The following RYR2 variants were observed in gnomAD, a reference collection of about 807,000 sequenced individuals.
The protein encoded by RYR2 is ryanodine receptor 2.
In RYR2, 227 loss-of-function variants were observed where a neutral mutation model predicts 601.1. That is an observed-to-expected ratio of 0.38 (90% CI 0.34 to 0.42). The LOEUF is 0.42. RYR2 is among the 10% of genes least tolerant of loss of function. RYR2 has a pLI of 1.00. For missense variants in RYR2, 4,646 were observed against 6,156.5 expected (o/e 0.75, Z 8.21); for synonymous variants, 2,223 against 2,175.1 (o/e 1.02, Z -0.61).
chr1:237,159,386 G>T (rs142092471), intron 1 of RYR2, among the ~76,000 whole-genome samples: 95 of 152,236 alleles, frequency 6.2e-4, no homozygotes, highest in Middle Eastern at 6.8e-3. Context: ...AGTCTATGGG[G>T]CGTTTATCTA....
At chr1:237,217,527 T>C (rs542088052) in intron 1 of RYR2, among the ~76,000 whole-genome samples, 2 of 152,312 alleles carry the variant, frequency 1.3e-5, no homozygotes, top group South Asian at 4.1e-4. Context: ...TTCTTTTCTG[T>C]GCCTTCGTTT....
At chr1:237,153,241 GA>G (rs1674932730) in intron 1 of RYR2, among the ~76,000 whole-genome samples, 1 of 152,304 alleles carries the variant, frequency 6.6e-6, no homozygotes, top group Admixed American at 6.5e-5. Flanking sequence ...GATTTGGGGG[GA>G]GGGGAAGGAA....
intron 1 of RYR2, among the ~76,000 whole-genome samples, chr1:237,051,649 G>A (rs1234512009): frequency 6.6e-6 from 1 of 152,112 alleles, no homozygotes; most frequent in African/African-American, 2.4e-5. Context: ...TTTATTTCTT[G>A]TAGGTGCATT....
intron 98 of RYR2, among the ~76,000 whole-genome samples, chr1:237,803,526 T>A (rs1042979561): frequency 6.6e-6 from 1 of 152,090 alleles, no homozygotes; most frequent in Admixed American, 6.6e-5. Flanking sequence ...GGTCTCGATC[T>A]CCTGACCTCG....
intron 44 of RYR2, among the ~76,000 whole-genome samples, chr1:237,635,854 C>T (rs1206172080): frequency 6.6e-6 from 1 of 152,164 alleles, no homozygotes; most frequent in Non-Finnish European, 1.5e-5. Flanking sequence ...AGCTGGAACA[C>T]GCCAACTGTG....
chr1:237,445,659 G>T, intron 14 of RYR2, 137 bp downstream of exon 14: 1 of 1,049,692 alleles, frequency 9.5e-7, no homozygotes. Context: ...GAAACGTTAG[G>T]AAGTGTTAAT....
chr1:237,797,654 T>TA (rs1659417183), intron 96 of RYR2, among the ~76,000 whole-genome samples: 1 of 152,246 alleles, frequency 6.6e-6, no homozygotes, highest in Non-Finnish European at 1.5e-5. Context: ...AGAATATCAA[T>TA]AACGTGAAAC....
chr1:237,404,896 C>T (rs527505845), intron 10 of RYR2, among the ~76,000 whole-genome samples: 2 of 152,230 alleles, frequency 1.3e-5, no homozygotes, highest in East Asian at 1.9e-4. Context: ...GCTGTCAGAG[C>T]GCAATGAAAT....
intron 35 of RYR2, among the ~76,000 whole-genome samples, chr1:237,602,625 A>G (rs1676632688): frequency 6.6e-6 from 1 of 152,212 alleles, no homozygotes; most frequent in Non-Finnish European, 1.5e-5. Flanking sequence ...AAGCAAAAAT[A>G]TGTAAGAGTG....
chr1:237,776,660 T>C (rs1694684484), intron 87 of RYR2, among the ~76,000 whole-genome samples: 1 of 151,480 alleles, frequency 6.6e-6, no homozygotes, highest in Non-Finnish European at 1.5e-5. Flanking sequence ...TCTCTCTCTC[T>C]TTCCCTTTCC....
At chr1:237,764,872 T>G (rs1486889041) in intron 84 of RYR2, among the ~76,000 whole-genome samples, 2 of 152,210 alleles carry the variant, frequency 1.3e-5, no homozygotes, top group Non-Finnish European at 2.9e-5. Flanking sequence ...TAACCTGGTA[T>G]TGAGATGCCA....
chr1:237,699,336 G>C (rs1201515047), intron 64 of RYR2, among the ~76,000 whole-genome samples: 1 of 152,208 alleles, frequency 6.6e-6, no homozygotes, highest in South Asian at 2.1e-4. Flanking sequence ...TAGCTTCCAG[G>C]CGTGATATTT....
chr1:237,784,275 T>G lies in RYR2; in HGVS notation c.12563T>G (p.Leu4188Arg). 6.2e-7 allele frequency: 1 copy of G among 1,613,814 alleles called. No individual in the cohort carries two copies. The highest frequency in any genetic ancestry group is 8.5e-7 in the Non-Finnish European group (1 of 1,179,884). Residue 4188 changes from leucine to arginine, a missense_variant, in exon 90 of 105, where the codon CTC becomes CGC. Physicochemically the swap from Leu to Arg is moderately radical, Grantham distance 102 (BLOSUM62 -2). This residue lies in a region of RYR2 where 70 missense variants were observed against 164.6 expected (regional missense o/e 0.43). Coordinates refer to ENST00000366574, the MANE Select transcript of RYR2 (RefSeq NM_001035.3). The surrounding 1 kb of genome is among the most constrained non-coding windows in gnomAD (Gnocchi z 7.1). ...NEGGEKEKME[L>R]FVNFCEDTIF... ...GGCGGAGAGAAAGAGAAGATGGAAC[T>G]CTTTGTGAACTTCTGCGAGGACACC...
chr1:237,423,589 A>T (rs1346560605), intron 12 of RYR2, among the ~76,000 whole-genome samples: 4 of 151,504 alleles, frequency 2.6e-5, no homozygotes, highest in Non-Finnish European at 4.4e-5. Context: ...ATCAAATGAA[A>T]GGTGTTTCAT....
At chr1:237,616,338 C>T (rs1657652063) in intron 37 of RYR2, among the ~76,000 whole-genome samples, 1 of 152,162 alleles carries the variant, frequency 6.6e-6, no homozygotes, top group Admixed American at 6.5e-5. Context: ...AACATACTCA[C>T]TCAGTTATAA....
intron 1 of RYR2, among the ~76,000 whole-genome samples, chr1:237,062,959 G>GT (rs1214299004): frequency 0.019 from 2,745 of 145,480 alleles, 57 homozygotes; most frequent in African/African-American, 0.054. Context: ...TGATTTTACT[G>GT]TTTTTTTTTT....
At chr1:237,198,386 G>A (rs1168897114) in intron 1 of RYR2, among the ~76,000 whole-genome samples, 1 of 151,456 alleles carries the variant, frequency 6.6e-6, no homozygotes, top group Non-Finnish European at 1.5e-5. Flanking sequence ...GCATTTTATA[G>A]CGATTAGATT....
intron 1 of RYR2, among the ~76,000 whole-genome samples, chr1:237,200,230 T>C (rs1572179420): frequency 6.6e-6 from 1 of 152,178 alleles, no homozygotes; most frequent in South Asian, 2.1e-4. Flanking sequence ...GTTTACCATC[T>C]GTTTGCAATT....
At chr1:237,556,504 T>C (rs1228825920) in intron 27 of RYR2, among the ~76,000 whole-genome samples, 1 of 131,132 alleles carries the variant, frequency 7.6e-6, no homozygotes, top group Non-Finnish European at 1.6e-5. Flanking sequence ...AGAGGCGGGG[T>C]TTCACCATAT....
Sources: gnomAD v4.1 joint callset for allele counts (sites outside exome capture counted in the v4.1 genomes callset) on GRCh38, gnomAD v4.1.1 for gene constraint, gnomAD v4.1.1 regional missense constraint, Gnocchi (gnomAD v3.1) non-coding constraint, MANE v1.5 for transcripts, NCBI Gene and HGNC (gene_info 2026-07-23, HGNC 2026-07-21) for gene names.